Variants in GRIP1 observed in about 807,000 individuals in gnomAD.
The protein encoded by GRIP1 is glutamate receptor-interacting protein 1.
A neutral mutation model predicts 129.9 loss-of-function variants in GRIP1; 45 were observed. The observed-to-expected ratio is 0.35, with a 90% CI of 0.27 to 0.44. The LOEUF is 0.44. Ranked by LOEUF, GRIP1 falls within the 20% of genes least tolerant of loss-of-function variation. The pLI, the probability that GRIP1 is intolerant of heterozygous loss-of-function variation, is 1.00. For missense variants in GRIP1, 1,196 were observed against 1,396.8 expected (o/e 0.86, Z 2.29); for synonymous variants, 530 against 520.8 (o/e 1.02, Z -0.24).
intron 1 of GRIP1, among the ~76,000 whole-genome samples, chr12:66,987,403 C>CA (rs995815527): frequency 6.6e-6 from 1 of 152,184 alleles, no homozygotes; most frequent in African/African-American, 2.4e-5. Context: ...TTTCTGACAG[C>CA]AGAGGTCCTT....
intron 1 of GRIP1, among the ~76,000 whole-genome samples, chr12:66,738,212 T>C (rs1327923355): frequency 6.7e-6 from 1 of 149,488 alleles, no homozygotes. Context: ...TAGATTTCTC[T>C]TTTTCTTTTT....
intron 1 of GRIP1, among the ~76,000 whole-genome samples, chr12:66,933,250 T>A (rs1443256693): frequency 6.6e-6 from 1 of 152,212 alleles, no homozygotes; most frequent in Non-Finnish European, 1.5e-5. Flanking sequence ...ACTAAGTATG[T>A]ACCTCTTCCC....
At chr12:66,726,534 T>G (rs901957408) in intron 1 of GRIP1, among the ~76,000 whole-genome samples, 2 of 152,168 alleles carry the variant, frequency 1.3e-5, no homozygotes, top group East Asian at 3.8e-4. Flanking sequence ...TTAATTCTTG[T>G]TTCGCCCATT....
intron 2 of GRIP1, among the ~76,000 whole-genome samples, chr12:66,590,388 G>A (rs1200485593): frequency 1.3e-5 from 2 of 152,120 alleles, no homozygotes; most frequent in Non-Finnish European, 2.9e-5. Context: ...ACTAATGAAA[G>A]CTATGGCTCT....
intron 4 of GRIP1, 106 bp downstream of exon 4, chr12:66,538,972 G>C: frequency 1.1e-6 from 1 of 937,412 alleles, no homozygotes; most frequent in Admixed American, 1.9e-5. Context: ...TGTATGTATA[G>C]AAAAAAACCT....
At chr12:66,830,821 T>C (rs1566042782) in intron 1 of GRIP1, among the ~76,000 whole-genome samples, 1 of 146,194 alleles carries the variant, frequency 6.8e-6, no homozygotes, top group Admixed American at 7.3e-5. Flanking sequence ...ACCCTGGTTT[T>C]GGTATCTGAA....
chr12:66,946,338 G>C (rs1488854535), intron 1 of GRIP1, among the ~76,000 whole-genome samples: 5 of 152,124 alleles, frequency 3.3e-5, no homozygotes, highest in Non-Finnish European at 5.9e-5. Context: ...ACCCAGTAGA[G>C]GTCCTGAGAT....
At chr12:66,670,919 T>C (rs1259607503) in intron 1 of GRIP1, among the ~76,000 whole-genome samples, 1 of 152,108 alleles carries the variant, frequency 6.6e-6, no homozygotes, top group Non-Finnish European at 1.5e-5. Context: ...AGCAGCTGAG[T>C]AAAATTCCTG....
intron 1 of GRIP1, among the ~76,000 whole-genome samples, chr12:66,727,367 G>A (rs2036288528): frequency 6.6e-6 from 1 of 152,198 alleles, no homozygotes; most frequent in African/African-American, 2.4e-5. Flanking sequence ...GTTCTGAGGT[G>A]AGGTCTTAAA....
At position 66,544,492 on chromosome 12, in the gene GRIP1, C is replaced by T. The variant is rs143632313; in HGVS notation, c.137-2542G>A. The stretch of plus-strand genomic sequence containing the variant: ...AGATGGTCCAGGCAACAACGTAGAG[C>T]GAAGGCCTGAGATTCCAAATGCACC... On this transcript the variant is annotated intron_variant, in intron 2 of 24. Coordinates refer to ENST00000359742, the MANE Select transcript of GRIP1 (RefSeq NM_001366722.1). Among the ~76,000 whole-genome samples, 36 of 152,226 alleles carry T rather than the reference C, an allele frequency of 2.4e-4. No individual in the cohort carries two copies. The East Asian group carries it at 4.4e-3, about 19-fold the overall frequency.
chr12:66,817,202 G>GCA (rs57507955), intron 1 of GRIP1, among the ~76,000 whole-genome samples: 23,152 of 135,716 alleles, frequency 0.17, 2,130 homozygotes, highest in Admixed American at 0.23. Flanking sequence ...TTTTCAGTAT[G>GCA]CACACACACA....
At chr12:66,487,252 A>G (rs147556224) in intron 7 of GRIP1, among the ~76,000 whole-genome samples, 26 of 152,352 alleles carry the variant, frequency 1.7e-4, no homozygotes, top group African/African-American at 6.0e-4. Flanking sequence ...TCATCTACAA[A>G]GAAACGCCCA....
chr12:66,665,973 A>C (rs2136214115), intron 1 of GRIP1, among the ~76,000 whole-genome samples: 1 of 152,216 alleles, frequency 6.6e-6, no homozygotes, highest in East Asian at 1.9e-4. Flanking sequence ...TTACCATGTC[A>C]ACTTCACATG....
chr12:66,678,934 T>C lies in GRIP1; in HGVS notation c.-30A>G, dbSNP rs1025647435. The C allele has an allele frequency of 1.9e-6, 3 of 1,612,884 alleles. No homozygotes were observed. Among genetic ancestry groups the C allele is most frequent in the Non-Finnish European group, 1.7e-6 (2 of 1,179,336 alleles). On this transcript the variant is annotated 5_prime_UTR_variant, in exon 1 of 25. Coordinates refer to ENST00000359742, the MANE Select transcript of GRIP1 (RefSeq NM_001366722.1). ...GCTCACTGCTTTCTGTGGCAAAGTG[T>C]ACTCAAGGCTCTCTGCTCTGGTGGC...
intron 15 of GRIP1, among the ~76,000 whole-genome samples, chr12:66,411,857 T>C (rs1262954897): frequency 1.3e-5 from 2 of 152,094 alleles, no homozygotes; most frequent in Admixed American, 6.5e-5. Flanking sequence ...CATAGCCAAA[T>C]AGACTAAGTG....
intron 1 of GRIP1, among the ~76,000 whole-genome samples, chr12:66,912,954 C>T (rs1367571886): frequency 2.6e-5 from 4 of 152,080 alleles, no homozygotes; most frequent in Non-Finnish European, 5.9e-5. Context: ...AATGCAGGTA[C>T]CACGTGTTCA....
intron 9 of GRIP1, among the ~76,000 whole-genome samples, chr12:66,457,720 G>A (rs4128160): frequency 6.6e-6 from 1 of 151,756 alleles, no homozygotes; most frequent in Non-Finnish European, 1.5e-5. Context: ...TGGTCAATTC[G>A]CATCCTTTCT....
chr12:66,968,526 T>G (rs1295685777), intron 1 of GRIP1, among the ~76,000 whole-genome samples: 1 of 152,196 alleles, frequency 6.6e-6, no homozygotes. Flanking sequence ...TATATTTCTT[T>G]TAACTTTTTT....
At chr12:66,441,458 G>A (rs145381854) in intron 13 of GRIP1, among the ~76,000 whole-genome samples, 6 of 151,948 alleles carry the variant, frequency 3.9e-5, no homozygotes, top group East Asian at 3.9e-4. Flanking sequence ...GTTATTCCTC[G>A]GTCTTGCTAT....
Sources: gnomAD v4.1 joint callset for allele counts (sites outside exome capture counted in the v4.1 genomes callset) on GRCh38, gnomAD v4.1.1 for gene constraint, MANE v1.5 for transcripts, NCBI Gene and HGNC (gene_info 2026-07-23, HGNC 2026-07-21) for gene names.